IL23R: variants seen among roughly 807,000 people sequenced by gnomAD.
IL23R encodes interleukin-23 receptor.
In IL23R, 34 loss-of-function variants were observed where a neutral mutation model predicts 56.9. The ratio of observed to expected loss-of-function variants is 0.60; its 90% CI spans 0.45 to 0.80. The LOEUF is 0.80. Ranked by LOEUF, IL23R falls within the 30% of genes least tolerant of loss-of-function variation. IL23R has a pLI of 0.00. For missense variants in IL23R, 635 were observed against 730.0 expected, an observed-to-expected ratio of 0.87 and a Z score of 1.50; for synonymous variants, 230 against 249.2, an observed-to-expected ratio of 0.92 and a Z score of 0.73.
intron 6 of IL23R, among the ~76,000 whole-genome samples, chr1:67,218,727 G>C (rs1013449429): frequency 1.3e-5 from 2 of 151,534 alleles, no homozygotes; most frequent in African/African-American, 4.8e-5. Context: ...AGACCAGCCT[G>C]GGCAATATAA....
At chr1:67,195,513 C>G (rs2102611793) in intron 4 of IL23R, among the ~76,000 whole-genome samples, 1 of 152,308 alleles carries the variant, frequency 6.6e-6, no homozygotes, top group Non-Finnish European at 1.5e-5. Context: ...AGTCTTACAA[C>G]TTATCAAGGG....
intron 3 of IL23R, among the ~76,000 whole-genome samples, chr1:67,182,239 A>G (rs939971598): frequency 1.3e-5 from 2 of 152,206 alleles, no homozygotes; most frequent in African/African-American, 4.8e-5. Flanking sequence ...GGTGGAGTCT[A>G]CAGAGGCAGG....
chr1:67,219,699 T>A lies in IL23R; in HGVS notation c.924T>A (p.Ser308Arg). 1 of 1,614,000 alleles carries A rather than the reference T, an allele frequency of 6.2e-7. No homozygotes were observed. Among genetic ancestry groups the A allele is most frequent in the East Asian group, 2.2e-5 (1 of 44,862 alleles). The change falls in exon 7 of 11, where the codon AGT becomes AGA. Residue 308 changes from serine (S) to arginine (R), a missense_variant. Physicochemically the swap from Ser to Arg is moderately radical, Grantham distance 110. Coordinates refer to ENST00000347310, the MANE Select transcript of IL23R (RefSeq NM_144701.3). ...ETGKRYWQPW[S>R]SLFFHKTPET... is the part of the protein sequence containing the mutation. ...GCAAAAGGTACTGGCAGCCTTGGAG[T>A]TCACTGTTTTTTCATAAAACACCTG...
Position 67,240,519 on chromosome 1 carries a change from C to T in IL23R, c.1148+238C>T, listed in dbSNP as rs533773833. Among the ~76,000 whole-genome samples, 3 of 152,290 alleles carry T rather than the reference C, an allele frequency of 2.0e-5. No individual in the cohort carries two copies. In the South Asian group the frequency reaches 6.2e-4, roughly 32 times the overall value. ...GCTTCCTGGCCTATTTTACAGGTGA[C>T]TTAAATGAGGCTTAAAGAGGCTAAG... On this transcript the variant is annotated intron_variant, in intron 9 of 10. Transcript: ENST00000347310.
At chr1:67,239,879 TA>T (rs1651741744) in intron 8 of IL23R, among the ~76,000 whole-genome samples, 1 of 152,178 alleles carries the variant, frequency 6.6e-6, no homozygotes, top group Non-Finnish European at 1.5e-5. Context: ...AGCTCACCAC[TA>T]AGAATTTATA....
At chr1:67,242,290 G>A (rs1014986486) in intron 9 of IL23R, among the ~76,000 whole-genome samples, 7 of 152,142 alleles carry the variant, frequency 4.6e-5, no homozygotes. Flanking sequence ...CCTGCATTGG[G>A]CCTTCATCTT....
intron 1 of IL23R, among the ~76,000 whole-genome samples, chr1:67,145,624 A>C (rs1326344031): frequency 6.6e-6 from 1 of 152,180 alleles, no homozygotes; most frequent in Non-Finnish European, 1.5e-5. Flanking sequence ...TTTGGCATAC[A>C]TTAGATAACT....
intron 9 of IL23R, among the ~76,000 whole-genome samples, chr1:67,252,804 CAA>C (rs1207921503): frequency 1.9e-5 from 1 of 53,490 alleles, no homozygotes; most frequent in African/African-American, 6.3e-5. Context: ...AATTTATAGA[CAA>C]AAAAAAAAAA....
chr1:67,200,965 C>T (rs1400476673), intron 5 of IL23R, 68 bp downstream of exon 5: 39 of 1,507,602 alleles, frequency 2.6e-5, no homozygotes, highest in Non-Finnish European at 3.5e-5. Context: ...CAAATGAGGT[C>T]TAGATCTGAA....
intron 9 of IL23R, among the ~76,000 whole-genome samples, chr1:67,249,851 T>G (rs1051786462): frequency 6.6e-6 from 1 of 152,164 alleles, no homozygotes; most frequent in African/African-American, 2.4e-5. Flanking sequence ...CTTGTAAACA[T>G]TTTGTAACCC....
intron 6 of IL23R, among the ~76,000 whole-genome samples, chr1:67,213,945 C>G (rs941326049): frequency 6.6e-6 from 1 of 152,278 alleles, no homozygotes; most frequent in East Asian, 1.9e-4. Context: ...TTCTGAATTC[C>G]CTAGAAGTCT....
chr1:67,219,028 A>G (rs1355777125), intron 6 of IL23R, among the ~76,000 whole-genome samples: 1 of 151,934 alleles, frequency 6.6e-6, no homozygotes, highest in African/African-American at 2.4e-5. Context: ...CATATATATA[A>G]TATCACATTT....
intron 8 of IL23R, among the ~76,000 whole-genome samples, chr1:67,238,005 A>G (rs903630879): frequency 2.6e-5 from 4 of 152,194 alleles, no homozygotes; most frequent in Non-Finnish European, 5.9e-5. Context: ...GCAGAAAAAC[A>G]GCAAACAAAA....
At chr1:67,213,751 A>G (rs1649651354) in intron 6 of IL23R, among the ~76,000 whole-genome samples, 2 of 152,232 alleles carry the variant, frequency 1.3e-5, no homozygotes, top group African/African-American at 4.8e-5. Context: ...ATGTTCGTAC[A>G]ATGATGAAAT....
intron 4 of IL23R, among the ~76,000 whole-genome samples, chr1:67,195,500 C>T (rs1558237684): frequency 6.6e-6 from 1 of 152,158 alleles, no homozygotes; most frequent in Admixed American, 6.5e-5. Flanking sequence ...GTAACTTGCT[C>T]CAAGTCTTAC....
chr1:67,163,496 A>AAAAAAAAAAAAAAAAAAAG (rs1558221020), upstream of IL23R, among the ~76,000 whole-genome samples: 1 of 142,822 alleles, frequency 7.0e-6, no homozygotes, highest in African/African-American at 2.6e-5. Flanking sequence ...AAAAAAAAAA[A>AAAAAAAAAAAAAAAAAAAG]AAGACAGAAA....
chr1:67,200,754 A>G lies in IL23R; in HGVS notation c.509A>G (p.Glu170Gly). The change falls in exon 5 of 11, where the codon GAG (glutamate) becomes GGG (glycine). Residue 170 changes from glutamate (E) to glycine (G), a missense_variant. Glu to Gly is a moderately conservative substitution (Grantham distance 98). Coordinates refer to ENST00000347310, the MANE Select transcript of IL23R (RefSeq NM_144701.3). Reference sequence around the variant, plus strand: ...GTTTTAAGTTTAGAGACAGAAGAAGAGCAACAGTATCTCACCTCAAGCTAT... The same window carrying G: ...GTTTTAAGTTTAGAGACAGAAGAAGGGCAACAGTATCTCACCTCAAGCTAT... ...VHVKSLETEE[E>G]QQYLTSSYIN... 1.9e-6 allele frequency: 3 copies of G among 1,613,768 alleles called. No individual in the cohort carries two copies. The highest frequency in any genetic ancestry group is 2.5e-6 in the Non-Finnish European group (3 of 1,179,786).
rs552762815 is a variant in IL23R at position 67,210,469 on chromosome 1, G to GTT, written c.798+3423_798+3424dup. On this transcript the variant is annotated intron_variant, in intron 6 of 10. Transcript: ENST00000347310. ...TTTTCCCTTCCGATACTTTTTTAAG[G>GTT]TTTTTTTTTTAGAGATAGACTCTCA... Among the ~76,000 whole-genome samples, 7 of 147,088 alleles carry GTT rather than the reference G, an allele frequency of 4.8e-5. No homozygotes were observed. In the East Asian group the frequency reaches 1.4e-3, roughly 29 times the overall value.
intron 7 of IL23R, among the ~76,000 whole-genome samples, chr1:67,233,781 T>C (rs937323001): frequency 6.6e-6 from 1 of 152,098 alleles, no homozygotes; most frequent in African/African-American, 2.4e-5. Context: ...GTTAATATTC[T>C]GTTGCAAGGA....
Sources: allele counts gnomAD v4.1 joint callset (sites outside exome capture counted in the v4.1 genomes callset), GRCh38; gene constraint gnomAD v4.1.1; transcripts MANE v1.5; gene names NCBI Gene and HGNC (gene_info 2026-07-23, HGNC 2026-07-21).